Variants in MREG observed in about 807,000 individuals in gnomAD.
MREG encodes the protein dilute suppressor protein homolog.
MREG carries 31 observed loss-of-function variants against 28.5 expected under a neutral mutation model. That is an observed-to-expected ratio of 1.09 (90% CI 0.82 to 1.47). The LOEUF (loss-of-function observed/expected upper bound fraction) is 1.47. Ranked by LOEUF, MREG falls within the 40% of genes most tolerant of loss-of-function variation. The pLI, the probability that MREG is intolerant of heterozygous loss-of-function variation, is 0.00. For synonymous variants in MREG, 106 were observed against 95.2 expected (o/e 1.11, Z -0.66); for missense variants, 256 against 257.4 (o/e 0.99, Z 0.04).
chr2:215,965,744 G>A (rs989503989), intron 2 of MREG, among the ~76,000 whole-genome samples: 3 of 152,060 alleles, frequency 2.0e-5, no homozygotes. Context: ...TTACTCCCTA[G>A]GAGGAAGAAG....
intron 2 of MREG, among the ~76,000 whole-genome samples, chr2:215,985,244 T>C (rs920971733): frequency 1.3e-5 from 2 of 152,244 alleles, no homozygotes; most frequent in African/African-American, 4.8e-5. Context: ...CATATTTCAT[T>C]AACAATTATT....
intron 2 of MREG, among the ~76,000 whole-genome samples, chr2:215,966,191 C>G (rs1692934447): frequency 6.6e-6 from 1 of 152,210 alleles, no homozygotes; most frequent in African/African-American, 2.4e-5. Context: ...CCCCAGACCT[C>G]TCTCTGCTTT....
At chr2:215,993,967 G>A (rs1409628778) in intron 2 of MREG, among the ~76,000 whole-genome samples, 1 of 152,082 alleles carries the variant, frequency 6.6e-6, no homozygotes, top group Non-Finnish European at 1.5e-5. Flanking sequence ...GTTGGTGGGA[G>A]TGTAAATTAG....
rs574850217 is a variant in MREG, at chr2:215,994,877, TGAGAGAGAGAGAAA to T, written c.255+1415_255+1428del. ...CTTTCACATTTGCATGGGGCCCTGG[TGAGAGAGAGAGAAA>T]GAGAGAGAGAGAGACACTATACATT... On this transcript the variant is annotated intron_variant, in intron 2 of 4. Transcript: ENST00000263268. Among the ~76,000 whole-genome samples, 58 of 151,572 alleles carry T rather than the reference TGAGAGAGAGAGAAA, an allele frequency of 3.8e-4. 2 individuals carry two copies. In the South Asian group the frequency reaches 0.012, roughly 30 times the overall value.
In MREG at chr2:215,943,521, A is replaced by C; in HGVS notation, c.*1342T>G. 6.6e-6 allele frequency: 3 copies of C among 456,590 alleles called. No homozygotes were observed. Among genetic ancestry groups the C allele is most frequent in the Non-Finnish European group, 1.3e-5 (3 of 226,880 alleles). 28.3% of individuals were successfully genotyped at this position (456,590 alleles called of 1,614,324 possible). On this transcript the variant is annotated 3_prime_UTR_variant, in exon 5 of 5. Coordinates refer to ENST00000263268, the MANE Select transcript of MREG (RefSeq NM_018000.3). ...GAAGAAAACAGAGGTCAAACACTTCAGTTTACAGATGCTATTCCAGATAAA... is the reference window on the plus strand; with the variant it reads ...GAAGAAAACAGAGGTCAAACACTTCCGTTTACAGATGCTATTCCAGATAAA...
chr2:216,031,693 GAAAGAAAGAA>G (rs1559204162), intron 1 of MREG, among the ~76,000 whole-genome samples: 2 of 128,360 alleles, frequency 1.6e-5, no homozygotes, highest in African/African-American at 2.8e-5. Context: ...GAAAGAAAGA[GAAAGAAAGAA>G]AGAAAGAAAG....
Position 215,943,612 on chromosome 2 carries a change from C to T in MREG, c.*1251G>A. On this transcript the variant is annotated 3_prime_UTR_variant, in exon 5 of 5. Coordinates refer to ENST00000263268, the MANE Select transcript of MREG (RefSeq NM_018000.3). ...ATCCCAGCACTTTGGGAGGCTGGGG[C>T]AGGCGGATGACGAGGTCAGGAGATC... The T allele has an allele frequency of 2.5e-6, 1 of 406,332 alleles. No individual in the cohort carries two copies. Among genetic ancestry groups the T allele is most frequent in the Non-Finnish European group, 4.9e-6 (1 of 202,786 alleles). The allele number at this position is 406,332 out of a possible 1,614,324, so 25.2% of individuals were successfully genotyped here. A position where few individuals can be genotyped will look rare whatever the true frequency, so the allele number is the denominator to read the frequency against.
intron 2 of MREG, among the ~76,000 whole-genome samples, chr2:215,948,375 G>C (rs1414889625): frequency 6.6e-6 from 1 of 152,252 alleles, no homozygotes; most frequent in Admixed American, 6.5e-5. Context: ...TGGCAAGTTT[G>C]AACAATTTCT....
intron 2 of MREG, among the ~76,000 whole-genome samples, chr2:215,988,145 T>C (rs7567484): frequency 0.25 from 38,026 of 151,908 alleles, 5,142 homozygotes; most frequent in East Asian, 0.4. Flanking sequence ...CAGCTCACGG[T>C]GAGATCAACG....
intron 1 of MREG, among the ~76,000 whole-genome samples, chr2:216,001,005 C>A (rs893880180): frequency 6.6e-6 from 1 of 151,890 alleles, no homozygotes; most frequent in Non-Finnish European, 1.5e-5. Flanking sequence ...CTCTGTCCCT[C>A]CTCTCTCTAG....
chr2:216,008,985 C>A (rs1157070037), intron 1 of MREG, among the ~76,000 whole-genome samples: 2 of 152,138 alleles, frequency 1.3e-5, no homozygotes, highest in Non-Finnish European at 2.9e-5. Context: ...CCACCATAGC[C>A]CTATGAAGCA....
At position 215,943,706 on chromosome 2, in the gene MREG, T is replaced by C; in HGVS notation, c.*1157A>G. On this transcript the variant is annotated 3_prime_UTR_variant, in exon 5 of 5. Transcript: ENST00000263268. ...AATACAAAAAATTAGCCAGGTGTGG[T>C]GGCACGCGCCTGTAGTTCCAGCTAC... The C allele has an allele frequency of 2.9e-6, 1 of 341,100 alleles. No homozygotes were observed. The highest frequency in any genetic ancestry group is 7.7e-5 in the East Asian group (1 of 13,064). The allele number at this position is 341,100 out of a possible 1,614,324, so 21.1% of individuals were successfully genotyped here. A position where few individuals can be genotyped will look rare whatever the true frequency, so the allele number is the denominator to read the frequency against.
chr2:215,988,138 C>T (rs1442935133), intron 2 of MREG, among the ~76,000 whole-genome samples: 5 of 152,118 alleles, frequency 3.3e-5, no homozygotes, highest in Admixed American at 3.3e-4. Flanking sequence ...CAGTCTGCAG[C>T]TCACGGTGAG....
At chr2:215,983,074 A>C (rs1438475468) in intron 2 of MREG, among the ~76,000 whole-genome samples, 1 of 152,244 alleles carries the variant, frequency 6.6e-6, no homozygotes, top group South Asian at 2.1e-4. Context: ...TGCATTCAAG[A>C]ATCCAGATAA....
At chr2:215,940,338 C>A (rs1692183351), downstream of MREG, among the ~76,000 whole-genome samples, 1 of 152,170 alleles carries the variant, frequency 6.6e-6, no homozygotes, top group South Asian at 2.1e-4. Flanking sequence ...ACTCCCTTCA[C>A]TGCAAAATAT....
At chr2:216,031,524 A>G (rs544846628) in intron 1 of MREG, among the ~76,000 whole-genome samples, 102 of 142,900 alleles carry the variant, frequency 7.1e-4, no homozygotes, top group African/African-American at 2.1e-3. Context: ...AGGAAGGGAA[A>G]AGAAAAGAAA....
chr2:215,981,690 G>T (rs556610376), intron 2 of MREG, among the ~76,000 whole-genome samples: 1 of 152,248 alleles, frequency 6.6e-6, no homozygotes, highest in Admixed American at 6.5e-5. Flanking sequence ...GGTGATCCTT[G>T]TCTAGGGCAG....
intron 2 of MREG, among the ~76,000 whole-genome samples, chr2:215,989,079 C>T (rs751435770): frequency 2.5e-5 from 3 of 121,076 alleles, no homozygotes; most frequent in Non-Finnish European, 5.2e-5. Context: ...GGGTCCCTGA[C>T]CCCTATGCCT....
intron 2 of MREG, among the ~76,000 whole-genome samples, chr2:215,978,312 A>G (rs533377597): frequency 1.3e-5 from 2 of 152,146 alleles, no homozygotes; most frequent in Non-Finnish European, 2.9e-5. Context: ...GGACACATAC[A>G]CCCTCCCAAG....
Sources: gnomAD v4.1 joint callset for allele counts (sites outside exome capture counted in the v4.1 genomes callset) on GRCh38, gnomAD v4.1.1 for gene constraint, MANE v1.5 for transcripts, NCBI Gene and HGNC (gene_info 2026-07-23, HGNC 2026-07-21) for gene names.